The following PIK3C2G variants were observed in gnomAD, a reference collection of about 807,000 sequenced individuals.
PIK3C2G encodes the protein phosphatidylinositol-4-phosphate 3-kinase catalytic subunit type 2 gamma.
A neutral mutation model predicts 181.1 loss-of-function variants in PIK3C2G; 168 were observed. The ratio of observed to expected loss-of-function variants is 0.93; its 90% CI spans 0.82 to 1.05. PIK3C2G has a LOEUF of 1.05. PIK3C2G is among the 50% of genes least tolerant of loss of function. The pLI is 0.00. For synonymous variants in PIK3C2G, 573 were observed against 592.2 expected (o/e 0.97, Z 0.47); for missense variants, 1,869 against 1,732.8 (o/e 1.08, Z -1.40).
At chr12:18,407,198 C>T (rs1944586475) in intron 16 of PIK3C2G, among the ~76,000 whole-genome samples, 1 of 151,996 alleles carries the variant, frequency 6.6e-6, no homozygotes, top group Admixed American at 6.6e-5. Flanking sequence ...CAGATTCTTT[C>T]ATTGCCAAAT....
intron 12 of PIK3C2G, among the ~76,000 whole-genome samples, chr12:18,370,726 G>A (rs1279503308): frequency 6.6e-6 from 1 of 152,014 alleles, no homozygotes; most frequent in Non-Finnish European, 1.5e-5. Flanking sequence ...GACACACCTA[G>A]TTGTTCATCC....
chr12:18,592,638 GA>G (rs1456566544), intron 29 of PIK3C2G, among the ~76,000 whole-genome samples: 1 of 151,864 alleles, frequency 6.6e-6, no homozygotes, highest in African/African-American at 2.4e-5. Context: ...TCAGGGAAGA[GA>G]AAAATAACAC....
chr12:18,386,110 T>C (rs933205762), intron 14 of PIK3C2G, among the ~76,000 whole-genome samples: 2 of 152,074 alleles, frequency 1.3e-5, no homozygotes, highest in Admixed American at 1.3e-4. Flanking sequence ...CTGGCTTTGG[T>C]GTTACTGCCC....
At chr12:18,541,080 C>T (rs1944126351) in intron 25 of PIK3C2G, among the ~76,000 whole-genome samples, 1 of 151,968 alleles carries the variant, frequency 6.6e-6, no homozygotes. Context: ...CTCAACCCGA[C>T]TCTTTTATGT....
At chr12:18,612,826 A>G (rs550408347) in intron 31 of PIK3C2G, among the ~76,000 whole-genome samples, 163 of 152,260 alleles carry the variant, frequency 1.1e-3, no homozygotes, top group African/African-American at 3.2e-3. Flanking sequence ...TTTGATGAAA[A>G]GTATTGTTTA....
chr12:18,347,841 A>G (rs1354157359), intron 11 of PIK3C2G, among the ~76,000 whole-genome samples: 2 of 151,996 alleles, frequency 1.3e-5, no homozygotes, highest in African/African-American at 2.4e-5. Flanking sequence ...AAAAAAATCA[A>G]TCTTTATCTT....
the PIK3C2G span, among the ~76,000 whole-genome samples, chr12:18,678,735 A>G: frequency 2.6e-5 from 4 of 152,086 alleles, no homozygotes; most frequent in East Asian, 5.8e-4. Context: ...TTTGTTGTCT[A>G]TTCACCTGTT....
the PIK3C2G span, chr12:18,683,746 GA>G: frequency 1.5e-6 from 1 of 683,552 alleles, no homozygotes; most frequent in Non-Finnish European, 2.3e-6. Context: ...GTCAGGAAAG[GA>G]TAGTCTCAGG....
intron 1 of PIK3C2G, among the ~76,000 whole-genome samples, chr12:18,255,252 T>TAAATAAATAAATAAATAAATAAAC (rs1555136296): frequency 7.0e-6 from 1 of 143,648 alleles, no homozygotes; most frequent in Non-Finnish European, 1.5e-5. Flanking sequence ...AATAAATAAA[T>TAAATAAATAAATAAATAAATAAAC]AAACAAACAA....
intron 18 of PIK3C2G, among the ~76,000 whole-genome samples, chr12:18,425,449 T>C (rs911594491): frequency 2.1e-5 from 3 of 140,526 alleles, no homozygotes; most frequent in Non-Finnish European, 4.5e-5. Context: ...TGGAGTGCAG[T>C]GGTGCAATCT....
At chr12:18,641,159 C>T (rs1385463957) in intron 32 of PIK3C2G, among the ~76,000 whole-genome samples, 1 of 152,094 alleles carries the variant, frequency 6.6e-6, no homozygotes, top group African/African-American at 2.4e-5. Context: ...GGATCCTCCA[C>T]TCAGAAATAT....
rs766846367 is a variant in PIK3C2G, at chr12:18,290,838, T to A, written c.762-17T>A. On this transcript the variant is annotated splice_polypyrimidine_tract_variant and intron_variant, in intron 3 of 32. Coordinates refer to ENST00000538779, the MANE Select transcript of PIK3C2G (RefSeq NM_001288772.2). ...CAGGTCTTGTCCTAAGTATTTTTCT[T>A]AACATATGTTTTTCAGAATCAGAGA... 4 of 1,546,976 alleles carry A rather than the reference T, an allele frequency of 2.6e-6. No individual in the cohort carries two copies. In the East Asian group the frequency reaches 9.0e-5, roughly 35 times the overall value.
At chr12:18,690,202 A>T in the PIK3C2G span, among the ~76,000 whole-genome samples, 1 of 151,472 alleles carries the variant, frequency 6.6e-6, no homozygotes, top group African/African-American at 2.4e-5. Context: ...AACAAAACAC[A>T]TCTGTTTTTT....
chr12:18,527,269 A>C lies in PIK3C2G; in HGVS notation c.3324-10887A>C, dbSNP rs181753444. On this transcript the variant is annotated intron_variant, in intron 24 of 32. Transcript: ENST00000538779. Reference sequence around the variant, plus strand: ...TTAGACTAAATTTGTAGAATAATACAAATGTCTCCTAAACATAAGCTTAGT... The same window carrying C: ...TTAGACTAAATTTGTAGAATAATACCAATGTCTCCTAAACATAAGCTTAGT... Among the ~76,000 whole-genome samples, 236 of 152,336 alleles carry C rather than the reference A, an allele frequency of 1.5e-3. 1 individual carries two copies. The highest frequency in any genetic ancestry group is 2.8e-3 in the Non-Finnish European group (191 of 68,036).
chr12:18,630,705 T>A (rs1949313213), intron 31 of PIK3C2G, among the ~76,000 whole-genome samples: 1 of 32,862 alleles, frequency 3.0e-5, no homozygotes, highest in African/African-American at 8.6e-5. Flanking sequence ...TAACAGCAAA[T>A]CTAGACTATA....
At chr12:18,363,141 A>C (rs887305071) in intron 12 of PIK3C2G, 7 of 284,220 alleles carry the variant, frequency 2.5e-5, no homozygotes, top group Non-Finnish European at 4.6e-5. Context: ...AAAAAGAAGA[A>C]GACTTATTAA....
chr12:18,375,799 A>G (rs888161989), intron 13 of PIK3C2G, among the ~76,000 whole-genome samples: 3 of 152,248 alleles, frequency 2.0e-5, no homozygotes, highest in African/African-American at 7.2e-5. Context: ...GTGCAGCATC[A>G]GGACACTGCT....
At chr12:18,295,070 A>G (rs139874725) in intron 5 of PIK3C2G, among the ~76,000 whole-genome samples, 2,734 of 150,004 alleles carry the variant, frequency 0.018, 80 homozygotes, top group African/African-American at 0.062. Context: ...AACAAAATAT[A>G]TTGTATTAAA....
chr12:18,446,680 C>G (rs10770362), intron 18 of PIK3C2G, among the ~76,000 whole-genome samples: 156 of 151,176 alleles, frequency 1.0e-3, no homozygotes, highest in East Asian at 1.8e-3. Flanking sequence ...CTATAATTAA[C>G]ATAGGAATGA....
Sources: allele counts gnomAD v4.1 joint callset (sites outside exome capture counted in the v4.1 genomes callset), GRCh38; gene constraint gnomAD v4.1.1; transcripts MANE v1.5; gene names NCBI Gene and HGNC (gene_info 2026-07-23, HGNC 2026-07-21).